Variants in CHL1 observed in about 807,000 individuals in gnomAD.
CHL1 encodes the protein neural cell adhesion molecule L1-like protein.
CHL1 carries 96 observed loss-of-function variants against 141.9 expected under a neutral mutation model. The ratio of observed to expected loss-of-function variants is 0.68; its 90% CI spans 0.57 to 0.80. CHL1 has a LOEUF of 0.80. CHL1 is among the 30% of genes least tolerant of loss of function. The pLI, the probability that CHL1 is intolerant of heterozygous loss-of-function variation, is 0.00. For synonymous variants in CHL1, 613 were observed against 502.2 expected, an observed-to-expected ratio of 1.22 and a Z score of -2.95; for missense variants, 1,820 against 1,457.2, an observed-to-expected ratio of 1.25 and a Z score of -4.05.
At chr3:296,995 A>G (rs1698245885) in intron 2 of CHL1, among the ~76,000 whole-genome samples, 2 of 152,120 alleles carry the variant, frequency 1.3e-5, no homozygotes, top group Admixed American at 1.3e-4. Context: ...GTATGTGAGG[A>G]GAGGACAGAT....
chr3:355,456 A>G (rs1424383453), intron 11 of CHL1, among the ~76,000 whole-genome samples: 1 of 152,216 alleles, frequency 6.6e-6, no homozygotes, highest in Admixed American at 6.5e-5. Flanking sequence ...TAGAGCTCCA[A>G]GGAGTCCCCA....
rs750779987 is a variant in CHL1, at chr3:391,177, T to C, written c.2791+18T>C. On this transcript the variant is annotated intron_variant, in intron 22 of 27. Coordinates refer to ENST00000256509, the MANE Select transcript of CHL1 (RefSeq NM_006614.4). ...AGAAGGAGGTGAGAGGATAATGATG[T>C]AGAGTCATGTCAAAAATGGAGGTGA... 2 of 1,569,292 alleles carry C rather than the reference T, an allele frequency of 1.3e-6. No homozygotes were observed. Among genetic ancestry groups the C allele is most frequent in the Non-Finnish European group, 1.8e-6 (2 of 1,140,160 alleles).
At chr3:314,833 A>G (rs1700043588) in intron 2 of CHL1, among the ~76,000 whole-genome samples, 1 of 152,134 alleles carries the variant, frequency 6.6e-6, no homozygotes, top group South Asian at 2.1e-4. Flanking sequence ...CAGATTCAAG[A>G]AGTGAGGAAA....
Position 394,629 on chromosome 3 carries a change from TA to T in CHL1, c.2915-62del, listed in dbSNP as rs1708516612. ...CCACAAGCATAAGGAGAAATGAAAA[TA>T]ATGAAGAATGCAACTTGAATGGTTA... On this transcript the variant is annotated intron_variant, in intron 23 of 27. Transcript: ENST00000256509. The T allele has an allele frequency of 5.4e-5, 63 of 1,171,536 alleles. No homozygotes were observed. The South Asian group carries it at 8.5e-4, about 16-fold the overall frequency. The allele number at this position is 1,171,536 out of a possible 1,614,324, so 72.6% of individuals were successfully genotyped here. A position where few individuals can be genotyped will look rare whatever the true frequency, so the allele number is the denominator to read the frequency against.
intron 1 of CHL1, among the ~76,000 whole-genome samples, chr3:228,931 A>G (rs1253679519): frequency 6.6e-6 from 1 of 152,208 alleles, no homozygotes; most frequent in African/African-American, 2.4e-5. Flanking sequence ...CAGAAGGAAA[A>G]AAAAACTGAT....
intron 2 of CHL1, among the ~76,000 whole-genome samples, chr3:258,319 G>T (rs911527789): frequency 4.6e-4 from 70 of 152,210 alleles, no homozygotes; most frequent in African/African-American, 1.6e-3. Context: ...GACCTCAGAT[G>T]TCCTTCACTT....
intron 1 of CHL1, among the ~76,000 whole-genome samples, chr3:220,514 TG>T (rs1489190609): frequency 1.3e-5 from 2 of 151,972 alleles, no homozygotes; most frequent in Non-Finnish European, 2.9e-5. Flanking sequence ...GCTGATGAGT[TG>T]TTTTTTTTTT....
At chr3:227,430 C>G (rs1234156542) in intron 1 of CHL1, among the ~76,000 whole-genome samples, 2 of 152,152 alleles carry the variant, frequency 1.3e-5, no homozygotes, top group Non-Finnish European at 2.9e-5. Flanking sequence ...GAACAGAAAA[C>G]CTCGTCTTTT....
intron 11 of CHL1, among the ~76,000 whole-genome samples, chr3:355,117 C>A (rs1048636039): frequency 2.6e-5 from 4 of 152,154 alleles, no homozygotes; most frequent in African/African-American, 9.7e-5. Flanking sequence ...AGTAGCCTAG[C>A]AGCTGAGGGC....
At position 349,443 on chromosome 3, in the gene CHL1, G is replaced by A; in HGVS notation, c.933G>A (p.Leu311=). The A allele has an allele frequency of 6.2e-7, 1 of 1,613,832 alleles. No individual in the cohort carries two copies. The highest frequency in any genetic ancestry group is 1.1e-5 in the South Asian group (1 of 91,072). Reference sequence around the variant, plus strand: ...CAAAAGAAAATTATGGCAAGACTTTGAAGATAGAGAATGTCTCCTACCAGG... The same window carrying A: ...CAAAAGAAAATTATGGCAAGACTTTAAAGATAGAGAATGTCTCCTACCAGG... The part of the protein sequence containing the change: ...RETKENYGKT[L]KIENVSYQDK... Residue 311 remains leucine (L), a synonymous_variant, in exon 10 of 28, where the codon TTG becomes TTA. Transcript: ENST00000256509.
chr3:273,255 T>C (rs1695796992), intron 2 of CHL1, among the ~76,000 whole-genome samples: 1 of 152,182 alleles, frequency 6.6e-6, no homozygotes, highest in East Asian at 1.9e-4. Flanking sequence ...CAATAAATTA[T>C]TCATGATCAA....
At chr3:266,991 C>T (rs1300711548) in intron 2 of CHL1, among the ~76,000 whole-genome samples, 2 of 152,048 alleles carry the variant, frequency 1.3e-5, no homozygotes, top group African/African-American at 2.4e-5. Flanking sequence ...CGTGTCAGCA[C>T]CTCCATAACA....
intron 23 of CHL1, among the ~76,000 whole-genome samples, chr3:393,408 A>T (rs1046362047): frequency 2.0e-5 from 3 of 152,058 alleles, no homozygotes; most frequent in Admixed American, 2.0e-4. Flanking sequence ...ACTTCTCCTT[A>T]TCCTAACAAT....
At position 216,135 on chromosome 3, in the gene CHL1, G is replaced by A. The variant is rs143397316; in HGVS notation, c.-175+19072G>A. Among the ~76,000 whole-genome samples, 682 of 152,258 alleles carry A rather than the reference G, an allele frequency of 4.5e-3. 7 individuals carry two copies. The highest frequency in any genetic ancestry group is 0.015 in the African/African-American group (644 of 41,560). On this transcript the variant is annotated intron_variant, in intron 1 of 27. Coordinates refer to ENST00000256509, the MANE Select transcript of CHL1 (RefSeq NM_006614.4). ...AAATTGATGTGTAAAAAATACCACT[G>A]TATTTAAAAGGGATAAAACTAATCA... is the stretch of plus-strand genomic sequence containing the variant.
At chr3:218,918 G>A (rs1700564684) in intron 1 of CHL1, among the ~76,000 whole-genome samples, 1 of 152,100 alleles carries the variant, frequency 6.6e-6, no homozygotes, top group African/African-American at 2.4e-5. Flanking sequence ...AGGCCAAGAC[G>A]GGCGGATCAC....
chr3:352,822 A>T (rs1412464866), intron 10 of CHL1, among the ~76,000 whole-genome samples: 1 of 152,226 alleles, frequency 6.6e-6, no homozygotes, highest in Non-Finnish European at 1.5e-5. Context: ...TTCTTGAGTC[A>T]GTTGATAAAT....
At chr3:311,706 A>G (rs554075092) in intron 2 of CHL1, among the ~76,000 whole-genome samples, 1 of 152,294 alleles carries the variant, frequency 6.6e-6, no homozygotes, top group South Asian at 2.1e-4. Flanking sequence ...AGTGACTGAA[A>G]GTCCTTAAGA....
At chr3:247,100 T>C (rs1458137174) in intron 2 of CHL1, 2 of 151,918 alleles carry the variant, frequency 1.3e-5, no homozygotes, top group African/African-American at 4.8e-5. Context: ...AAAAAAGTTC[T>C]ATCCTATGAG....
chr3:348,774 A>G (rs1489371514), intron 9 of CHL1, among the ~76,000 whole-genome samples: 1 of 152,238 alleles, frequency 6.6e-6, no homozygotes, highest in Admixed American at 6.5e-5. Context: ...AACGTGATCC[A>G]GGAGGCAGTA....
Sources: gnomAD v4.1 joint callset for allele counts (sites outside exome capture counted in the v4.1 genomes callset) on GRCh38, gnomAD v4.1.1 for gene constraint, MANE v1.5 for transcripts, NCBI Gene and HGNC (gene_info 2026-07-23, HGNC 2026-07-21) for gene names.